The following PACSIN2 variants were observed in gnomAD, a reference collection of about 807,000 sequenced individuals.
The protein encoded by PACSIN2 is protein kinase C and casein kinase substrate in neurons 2.
A neutral mutation model predicts 63.8 loss-of-function variants in PACSIN2; 25 were observed. That is an observed-to-expected ratio of 0.39 (90% CI 0.29 to 0.55). The LOEUF (loss-of-function observed/expected upper bound fraction) is 0.55. PACSIN2 is among the 20% of genes least tolerant of loss of function. PACSIN2 has a pLI of 0.62. For synonymous variants in PACSIN2, 255 were observed against 256.2 expected, an observed-to-expected ratio of 1.00 and a Z score of 0.05; for missense variants, 518 against 646.9, an observed-to-expected ratio of 0.80 and a Z score of 2.16.
chr22:42,992,080 G>C (rs918092445), intron 1 of PACSIN2, among the ~76,000 whole-genome samples: 1 of 152,136 alleles, frequency 6.6e-6, no homozygotes. Flanking sequence ...GACAGCCTCA[G>C]ACAGGGAGTC....
At chr22:42,895,454 G>A (rs1327974558) in intron 2 of PACSIN2, among the ~76,000 whole-genome samples, 2 of 152,096 alleles carry the variant, frequency 1.3e-5, no homozygotes, top group Non-Finnish European at 2.9e-5. Flanking sequence ...TATTCAAATT[G>A]GTAATCACCA....
chr22:42,884,837 G>A (rs1042923303), intron 5 of PACSIN2, among the ~76,000 whole-genome samples: 1 of 152,218 alleles, frequency 6.6e-6, no homozygotes, highest in African/African-American at 2.4e-5. Flanking sequence ...GTATGGTCTT[G>A]AGCGTGCCAC....
chr22:43,014,345 C>G (rs1924715931), intron 1 of PACSIN2, among the ~76,000 whole-genome samples: 1 of 18,834 alleles, frequency 5.3e-5, no homozygotes, highest in East Asian at 6.0e-3. Flanking sequence ...CACACACACA[C>G]ACACACAGAC....
In PACSIN2 at chr22:42,934,783, G is replaced by A. The variant is rs1365447213; in HGVS notation, c.-77-22626C>T. 3.9e-5 allele frequency among the ~76,000 whole-genome samples: 6 copies of A among 152,262 alleles called. No homozygotes were observed. In the South Asian group the frequency reaches 6.2e-4, roughly 16 times the overall value. On this transcript the variant is annotated intron_variant, in intron 1 of 10. Coordinates refer to ENST00000263246, the MANE Select transcript of PACSIN2 (RefSeq NM_001184970.3). ...AACCCTGGTAGATCAGACCATACTC[G>A]AGTCACCTGCCTTCCCTAGTGCCTA...
In PACSIN2 at chr22:42,946,504, C is replaced by T. The variant is rs9623721; in HGVS notation, c.-77-34347G>A. On this transcript the variant is annotated intron_variant, in intron 1 of 10. Coordinates refer to ENST00000263246, the MANE Select transcript of PACSIN2 (RefSeq NM_001184970.3). The stretch of plus-strand genomic sequence containing the variant: ...CAGGTGATGGAGGTTGCAGTGAGAT[C>T]GCACCACTGCACTCCAGCCTGGGGG... Among the ~76,000 whole-genome samples, 1,254 of 152,264 alleles carry T rather than the reference C, an allele frequency of 8.2e-3. 23 individuals carry two copies. Among genetic ancestry groups the T allele is most frequent in the African/African-American group, 0.029 (1,208 of 41,544 alleles).
chr22:42,886,981 G>A (rs375976224), intron 5 of PACSIN2, among the ~76,000 whole-genome samples: 5 of 152,260 alleles, frequency 3.3e-5, no homozygotes, highest in Admixed American at 6.5e-5. Flanking sequence ...ACACAGGCAC[G>A]CCCCCGCCCA....
At chr22:42,969,043 C>CCA (rs138542738) in intron 1 of PACSIN2, among the ~76,000 whole-genome samples, 4 of 150,772 alleles carry the variant, frequency 2.7e-5, no homozygotes, top group Admixed American at 6.6e-5. Flanking sequence ...ATCTATCTAT[C>CCA]TCCATCCATC....
intron 10 of PACSIN2, among the ~76,000 whole-genome samples, chr22:42,872,145 G>C (rs1928199593): frequency 6.6e-6 from 1 of 152,200 alleles, no homozygotes; most frequent in Non-Finnish European, 1.5e-5. Context: ...CCTACTTCTG[G>C]CCAGGCCTTG....
chr22:42,886,458 ATG>A (rs1929494442), intron 5 of PACSIN2, among the ~76,000 whole-genome samples: 1 of 151,954 alleles, frequency 6.6e-6, no homozygotes, highest in Non-Finnish European at 1.5e-5. Context: ...GTAGGTATGT[ATG>A]TACCTACCTA....
Position 42,992,777 on chromosome 22 carries a change from A to T in PACSIN2, c.-78+22244T>A, listed in dbSNP as rs145836663. On this transcript the variant is annotated intron_variant, in intron 1 of 10. Transcript: ENST00000263246. ...AGCATGCCCATGCATTGGATTTTTT[A>T]AAAAATGAAACTAACTGATAAATGC... Among the ~76,000 whole-genome samples the T allele has an allele frequency of 4.8e-3, 738 of 152,356 alleles. 8 individuals are homozygous for T. Among genetic ancestry groups the T allele is most frequent in the East Asian group, 0.029 (150 of 5,188 alleles).
Position 42,876,284 on chromosome 22 carries a change from C to A in PACSIN2, c.1201G>T (p.Asp401Tyr), listed in dbSNP as rs776906843. ...TQSYPTDWSD[D>Y]ESNNPFSSTD... Reference sequence around the variant, plus strand: ...GAGGAGAAGGGGTTGTTAGACTCATCGTCTGACCAGTCGGTGGGATAGCTC... The same window carrying A: ...GAGGAGAAGGGGTTGTTAGACTCATAGTCTGACCAGTCGGTGGGATAGCTC... The change falls in exon 10 of 11, where the codon GAT (aspartate) becomes TAT (tyrosine). Residue 401 changes from aspartate to tyrosine, a missense_variant. Around this residue, in one of 2 missense-constraint regions of PACSIN2, gnomAD observed 507 missense variants for 612.3 expected, o/e 0.83. Coordinates refer to ENST00000263246, the MANE Select transcript of PACSIN2 (RefSeq NM_001184970.3). 1 of 1,614,198 alleles carries A rather than the reference C, an allele frequency of 6.2e-7. No individual in the cohort carries two copies. Among genetic ancestry groups the A allele is most frequent in the Non-Finnish European group, 8.5e-7 (1 of 1,180,010 alleles).
At chr22:42,962,446 G>C (rs115777278) in intron 1 of PACSIN2, among the ~76,000 whole-genome samples, 82 of 152,252 alleles carry the variant, frequency 5.4e-4, no homozygotes, top group African/African-American at 1.8e-3. Context: ...TGTAAGCCAG[G>C]CTACACAACA....
chr22:42,879,036 G>C lies in PACSIN2; in HGVS notation c.1028+12C>G. ...GAACGGCCTCTTTTGGATGGAGGTG[G>C]CGCCCACTCACCTGCTGGGCTTACT... On this transcript the variant is annotated intron_variant, in intron 8 of 10. Transcript: ENST00000263246. 1 of 1,610,780 alleles carries C rather than the reference G, an allele frequency of 6.2e-7. No homozygotes were observed. The highest frequency in any genetic ancestry group is 8.5e-7 in the Non-Finnish European group (1 of 1,178,028).
intron 2 of PACSIN2, among the ~76,000 whole-genome samples, chr22:42,897,604 C>T (rs1226606391): frequency 1.3e-5 from 2 of 152,202 alleles, no homozygotes; most frequent in African/African-American, 2.4e-5. Flanking sequence ...ACTAAGCTAC[C>T]AAAGACAAAT....
chr22:42,971,632 G>T (rs1283982024), intron 1 of PACSIN2, among the ~76,000 whole-genome samples: 2 of 152,056 alleles, frequency 1.3e-5, no homozygotes, highest in African/African-American at 2.4e-5. Flanking sequence ...CCATGTCTGG[G>T]AAGTGAGGAG....
chr22:42,876,149 T>C lies in PACSIN2; in HGVS notation c.1336A>G (p.Ser446Gly). ...DYEGQEHDEL[S>G]FKAGDELTKM... ...GGAGCCCACCTACCAGCCTTGAAGC[T>C]CAGCTCATCATGCTCCTGCCCCTCA... The change falls in exon 10 of 11, where the codon AGC becomes GGC. Residue 446 changes from serine to glycine, a missense_variant. Ser to Gly is a moderately conservative substitution (Grantham distance 56). Transcript: ENST00000263246. 1 of 1,611,616 alleles carries C rather than the reference T, an allele frequency of 6.2e-7. No homozygotes were observed. The highest frequency in any genetic ancestry group is 8.5e-7 in the Non-Finnish European group (1 of 1,177,836).
At chr22:42,910,923 G>C (rs575910789) in intron 2 of PACSIN2, among the ~76,000 whole-genome samples, 4 of 126,040 alleles carry the variant, frequency 3.2e-5, no homozygotes, top group Non-Finnish European at 6.3e-5. Context: ...TTTTTTTTTT[G>C]AGACGGAGTC....
intron 1 of PACSIN2, among the ~76,000 whole-genome samples, chr22:43,004,557 C>T (rs1296123828): frequency 2.0e-5 from 3 of 152,234 alleles, no homozygotes; most frequent in Admixed American, 2.0e-4. Flanking sequence ...GTACAGGGAG[C>T]ACTGCCTGCT....
intron 1 of PACSIN2, among the ~76,000 whole-genome samples, chr22:42,929,146 T>C (rs1297807572): frequency 6.6e-6 from 1 of 152,236 alleles, no homozygotes; most frequent in Non-Finnish European, 1.5e-5. Context: ...TGTGCAACTA[T>C]ACTCACCAGG....
Sources: gnomAD v4.1 joint callset for allele counts (sites outside exome capture counted in the v4.1 genomes callset) on GRCh38, gnomAD v4.1.1 for gene constraint, gnomAD v4.1.1 regional missense constraint, MANE v1.5 for transcripts, NCBI Gene and HGNC (gene_info 2026-07-23, HGNC 2026-07-21) for gene names.